Variants in ICA1L observed in about 807,000 individuals in gnomAD.
ICA1L encodes the protein islet cell autoantigen 1-like protein.
Under a neutral mutation model 61.3 loss-of-function variants are expected in ICA1L, and 50 were observed. The ratio of observed to expected loss-of-function variants is 0.82; its 90% CI spans 0.65 to 1.03. The LOEUF (loss-of-function observed/expected upper bound fraction) is 1.03. Ranked by LOEUF, ICA1L falls within the 50% of genes least tolerant of loss-of-function variation. The probability of loss-of-function intolerance (pLI) is 0.00; values close to 1 mark genes in which losing one functional copy is unlikely to be tolerated. For synonymous variants in ICA1L, 161 were observed against 191.3 expected (o/e 0.84, Z 1.31); for missense variants, 508 against 556.7 (o/e 0.91, Z 0.88).
At chr2:202,793,416 G>A (rs1202292393) in intron 10 of ICA1L, among the ~76,000 whole-genome samples, 2 of 145,194 alleles carry the variant, frequency 1.4e-5, no homozygotes, top group Non-Finnish European at 3.0e-5. Context: ...CAGCACTTTG[G>A]GAAGCTGAGG....
chr2:202,821,156 C>T (rs1693692090), intron 4 of ICA1L, among the ~76,000 whole-genome samples: 1 of 151,944 alleles, frequency 6.6e-6, no homozygotes, highest in Non-Finnish European at 1.5e-5. Context: ...AATTAAGCAA[C>T]CAAGAACATC....
At position 202,788,928 on chromosome 2, in the gene ICA1L, T is replaced by G. The variant is rs1453156249; in HGVS notation, c.1145A>C (p.Gln382Pro). 1.2e-6 allele frequency: 2 copies of G among 1,614,026 alleles called. No individual in the cohort carries two copies. Among genetic ancestry groups the G allele is most frequent in the Non-Finnish European group, 1.7e-6 (2 of 1,180,026 alleles). Reference protein sequence around the residue: ...FGSPSASLTSQEPSMGSEPLA... With the variant: ...FGSPSASLTSPEPSMGSEPLA... ...GGGCTCAGACCCCATGGAAGGCTCC[T>G]GGGATGTGAGACTGGCACTGGGGCT... Residue 382 changes from glutamine to proline, a missense_variant, in exon 11 of 13, where the codon CAG becomes CCG. Physicochemically the swap from Gln to Pro is moderately conservative, Grantham distance 76. Coordinates refer to ENST00000358299, the MANE Select transcript of ICA1L (RefSeq NM_001288622.3).
chr2:202,787,890 A>G (rs1016959267), intron 11 of ICA1L, among the ~76,000 whole-genome samples: 1 of 152,238 alleles, frequency 6.6e-6, no homozygotes, highest in Non-Finnish European at 1.5e-5. Flanking sequence ...GAGGACTTCA[A>G]GGACTGACAA....
Position 202,819,758 on chromosome 2 carries a change from T to A in ICA1L, c.501A>T (p.Lys167Asn). The change falls in exon 5 of 13, where the codon AAA (lysine) becomes AAT (asparagine). Residue 167 changes from lysine (K) to asparagine (N), a missense_variant. Coordinates refer to ENST00000358299, the MANE Select transcript of ICA1L (RefSeq NM_001288622.3). ...CTGGGTCCAGCTCTTGGGATACATC[T>A]TTCATCCACAGTAGAGCTCCTCTGT... ...TEYRGALLWM[K>N]DVSQELDPDT... The A allele has an allele frequency of 6.2e-7, 1 of 1,614,162 alleles. No homozygotes were observed. The highest frequency in any genetic ancestry group is 8.5e-7 in the Non-Finnish European group (1 of 1,179,994).
intron 1 of ICA1L, among the ~76,000 whole-genome samples, chr2:202,837,822 A>G (rs1301514529): frequency 6.6e-6 from 1 of 150,586 alleles, no homozygotes; most frequent in African/African-American, 2.4e-5. Context: ...AAGTTTTGGG[A>G]TATTGTATTT....
intron 9 of ICA1L, among the ~76,000 whole-genome samples, chr2:202,800,482 G>A (rs896923565): frequency 6.6e-6 from 1 of 152,112 alleles, no homozygotes; most frequent in Non-Finnish European, 1.5e-5. Flanking sequence ...TTGCAACAAT[G>A]GGAGCCAGTT....
chr2:202,856,168 C>T (rs1694766138), intron 1 of ICA1L, among the ~76,000 whole-genome samples: 1 of 151,792 alleles, frequency 6.6e-6, no homozygotes, highest in African/African-American at 2.4e-5. Context: ...CAAAACCTGG[C>T]ACAACAAAAG....
At chr2:202,811,867 T>C in intron 8 of ICA1L, 78 bp from the exon 9 acceptor site, 1 of 1,052,248 alleles carries the variant, frequency 9.5e-7, no homozygotes, top group Admixed American at 2.1e-5. Context: ...CAGTTTTATA[T>C]GGTTAAAAAA....
At chr2:202,808,667 G>A (rs942017837) in intron 9 of ICA1L, among the ~76,000 whole-genome samples, 3 of 152,198 alleles carry the variant, frequency 2.0e-5, no homozygotes, top group African/African-American at 7.2e-5. Flanking sequence ...GTATTTTGCT[G>A]GCTTTGGAGA....
intron 9 of ICA1L, among the ~76,000 whole-genome samples, chr2:202,800,080 A>C (rs1693048064): frequency 6.6e-6 from 1 of 151,742 alleles, no homozygotes; most frequent in South Asian, 2.1e-4. Context: ...ATGGGATTTC[A>C]CCATGTTGGC....
intron 9 of ICA1L, among the ~76,000 whole-genome samples, chr2:202,797,569 T>G (rs778332840): frequency 5.5e-4 from 83 of 152,226 alleles, no homozygotes; most frequent in Non-Finnish European, 1.0e-3. Context: ...TCGCCCAGGC[T>G]GGAGTGCAGT....
chr2:202,835,723 A>G (rs1291706153), intron 1 of ICA1L, among the ~76,000 whole-genome samples: 1 of 147,946 alleles, frequency 6.8e-6, no homozygotes, highest in African/African-American at 2.5e-5. Context: ...TTTTTTTTTT[A>G]TTTTTTGTAG....
intron 1 of ICA1L, among the ~76,000 whole-genome samples, chr2:202,851,621 C>T (rs1694622892): frequency 6.6e-6 from 1 of 152,184 alleles, no homozygotes; most frequent in South Asian, 2.1e-4. Flanking sequence ...AGTTTACCTC[C>T]CACCAACAGT....
intron 7 of ICA1L, among the ~76,000 whole-genome samples, chr2:202,815,454 C>T (rs1409096695): frequency 3.3e-5 from 5 of 152,118 alleles, no homozygotes; most frequent in Non-Finnish European, 5.9e-5. Context: ...ATATCCATGA[C>T]ATCAGTGTAA....
intron 1 of ICA1L, chr2:202,840,532 AC>A (rs1258602613): frequency 2.9e-5 from 16 of 547,468 alleles, no homozygotes; most frequent in Non-Finnish European, 5.4e-5. Flanking sequence ...CTGCATAGCC[AC>A]TGGTGGTCTT....
intron 6 of ICA1L, among the ~76,000 whole-genome samples, chr2:202,817,152 T>C (rs1381057591): frequency 6.6e-6 from 1 of 152,180 alleles, no homozygotes; most frequent in East Asian, 1.9e-4. Flanking sequence ...GCCTTAAATT[T>C]TGCCTCTTCA....
intron 12 of ICA1L, among the ~76,000 whole-genome samples, chr2:202,780,736 G>C (rs1241589202): frequency 1.3e-5 from 2 of 152,190 alleles, no homozygotes; most frequent in African/African-American, 4.8e-5. Flanking sequence ...AGGGCAGAGT[G>C]AAAGGCTTCA....
chr2:202,789,208 CAACT>C, intron 10 of ICA1L, 121 bp from the exon 11 acceptor site: 2 of 811,882 alleles, frequency 2.5e-6, no homozygotes, highest in South Asian at 3.8e-5. Flanking sequence ...TTTAAACAAA[CAACT>C]AAAGTGACTG....
intron 8 of ICA1L, among the ~76,000 whole-genome samples, chr2:202,812,498 A>G (rs1040926457): frequency 1.6e-4 from 25 of 152,022 alleles, no homozygotes; most frequent in African/African-American, 5.8e-4. Flanking sequence ...AATCACTTGA[A>G]CCTGGGAGGT....
Sources: gnomAD v4.1 joint callset for allele counts (sites outside exome capture counted in the v4.1 genomes callset) on GRCh38, gnomAD v4.1.1 for gene constraint, MANE v1.5 for transcripts, NCBI Gene and HGNC (gene_info 2026-07-23, HGNC 2026-07-21) for gene names.